The following PSMD1 variants were observed in gnomAD, a reference collection of about 807,000 sequenced individuals.
The protein encoded by PSMD1 is 26S proteasome non-ATPase regulatory subunit 1.
PSMD1 carries 18 observed loss-of-function variants against 119.0 expected under a neutral mutation model. The ratio of observed to expected loss-of-function variants is 0.15; its 90% confidence interval spans 0.10 to 0.22. The LOEUF is 0.22. Among genes scored for constraint, PSMD1 ranks in the 10% least tolerant of loss-of-function variants. The pLI is 1.00. For missense variants in PSMD1, 702 were observed against 1,158.5 expected (o/e 0.61, Z 5.72); for synonymous variants, 374 against 396.6 (o/e 0.94, Z 0.68).
At chr2:231,112,549 A>G (rs1409062753) in intron 16 of PSMD1, among the ~76,000 whole-genome samples, 2 of 152,220 alleles carry the variant, frequency 1.3e-5, no homozygotes, top group African/African-American at 2.4e-5. Flanking sequence ...TTTTTGCCCC[A>G]GTGCCCCTAC....
At chr2:231,116,389 T>TA (rs1432564459) in intron 16 of PSMD1, among the ~76,000 whole-genome samples, 8 of 152,270 alleles carry the variant, frequency 5.3e-5, no homozygotes, top group Admixed American at 1.3e-4. Context: ...ATTATTGTGT[T>TA]ATATCTTAGA....
Position 231,075,640 on chromosome 2 carries a change from C to T in PSMD1, c.942+69C>T, listed in dbSNP as rs186351549. On this transcript the variant is annotated intron_variant, in intron 8 of 24. Transcript: ENST00000308696. ...TGTCACCCAGGCTAGAACGCAGTGG[C>T]GCGGTCTCGGCTCACTACAACCTCT... 125 of 1,431,380 alleles carry T rather than the reference C, an allele frequency of 8.7e-5. No homozygotes were observed. The Admixed American group carries it at 1.4e-3, about 16-fold the overall frequency. The allele number at this position is 1,431,380 out of a possible 1,614,324, so 88.7% of individuals were successfully genotyped here. A position where few individuals can be genotyped will look rare whatever the true frequency, so the allele number is the denominator to read the frequency against.
In PSMD1 at chr2:231,138,200, C is replaced by T. The variant is rs564920079; in HGVS notation, c.1884-536C>T. On this transcript the variant is annotated intron_variant, in intron 16 of 24. Transcript: ENST00000308696. ...ATGGAGAGAATGAAAAATAATTTCT[C>T]TTCTTACCAACACAAAAATAATTGC... Among the ~76,000 whole-genome samples, 54 of 152,330 alleles carry T rather than the reference C, an allele frequency of 3.5e-4. 1 individual carries two copies. In the South Asian group the frequency reaches 4.4e-3, roughly 12 times the overall value.
chr2:231,067,440 C>T (rs376127019), intron 5 of PSMD1, among the ~76,000 whole-genome samples: 3 of 152,114 alleles, frequency 2.0e-5, no homozygotes, highest in African/African-American at 7.2e-5. Flanking sequence ...TCCTGGTTTG[C>T]GGTGTTTGCA....
Position 231,138,745 on chromosome 2 carries a change from A to T in PSMD1, c.1893A>T (p.Glu631Asp). Reference sequence around the variant, plus strand: ...TTCTGTTTCTTATCAGAACCCCTGAACAGTGCCCAAGTGTTGTCTCTTTGT... The same window carrying T: ...TTCTGTTTCTTATCAGAACCCCTGATCAGTGCCCAAGTGTTGTCTCTTTGT... ...SLGFILFRTPEQCPSVVSLLS... is the reference protein window; with the variant it reads ...SLGFILFRTPDQCPSVVSLLS... Residue 631 changes from glutamate to aspartate, a missense_variant, in exon 17 of 25, where the codon GAA becomes GAT. Around this residue, in one of 9 missense-constraint regions of PSMD1, gnomAD observed 272 missense variants for 511.6 expected, o/e 0.53. Transcript: ENST00000308696. 1 of 1,613,720 alleles carries T rather than the reference A, an allele frequency of 6.2e-7. No homozygotes were observed.
intron 7 of PSMD1, among the ~76,000 whole-genome samples, chr2:231,073,984 G>T (rs1404343007): frequency 6.6e-6 from 1 of 151,754 alleles, no homozygotes; most frequent in Non-Finnish European, 1.5e-5. Context: ...TCCTTCTTTT[G>T]TAATCTTTAT....
intron 16 of PSMD1, among the ~76,000 whole-genome samples, chr2:231,126,754 T>C (rs1695729683): frequency 6.6e-6 from 1 of 152,146 alleles, no homozygotes; most frequent in South Asian, 2.1e-4. Flanking sequence ...GTAAGATTGG[T>C]ACTCTGATTT....
intron 19 of PSMD1, 126 bp from the exon 20 acceptor site, chr2:231,161,214 G>A: frequency 2.2e-6 from 2 of 916,484 alleles, no homozygotes; most frequent in Admixed American, 3.0e-5. Context: ...CCCGAGCTTG[G>A]GTAACAGTGA....
intron 7 of PSMD1, among the ~76,000 whole-genome samples, chr2:231,074,383 G>T (rs1274079511): frequency 6.6e-6 from 1 of 152,068 alleles, no homozygotes; most frequent in Non-Finnish European, 1.5e-5. Context: ...TGGGATTACG[G>T]GTGTGAGCCA....
In PSMD1 at chr2:231,085,129, CTT is replaced by C. The variant is rs1694400146; in HGVS notation, c.1818+17_1818+18del. 9 of 1,604,244 alleles carry C rather than the reference CTT, an allele frequency of 5.6e-6. No individual in the cohort carries two copies. Among genetic ancestry groups the C allele is most frequent in the Non-Finnish European group, 7.7e-6 (9 of 1,171,224 alleles). ...TACATGTTGCTGTAAGTACTCTGAC[CTT>C]TCTTGGGAATGGGGTGGACGGAAAA... On this transcript the variant is annotated intron_variant, in intron 15 of 24. Coordinates refer to ENST00000308696, the MANE Select transcript of PSMD1 (RefSeq NM_002807.4).
At chr2:231,083,111 AAG>A in intron 13 of PSMD1, 117 bp downstream of exon 13, 1 of 805,250 alleles carries the variant, frequency 1.2e-6, no homozygotes, top group Non-Finnish European at 1.9e-6. Context: ...TCTCTAGTTG[AAG>A]AGGAAGTGAA....
intron 12 of PSMD1, among the ~76,000 whole-genome samples, chr2:231,081,669 A>C (rs569796635): frequency 6.6e-6 from 1 of 152,360 alleles, no homozygotes; most frequent in African/African-American, 2.4e-5. Flanking sequence ...GACTCTAACC[A>C]GTGGGGAGGA....
chr2:231,078,894 A>C, intron 10 of PSMD1, 147 bp downstream of exon 10: 1 of 541,764 alleles, frequency 1.8e-6, no homozygotes, highest in Non-Finnish European at 3.0e-6. Flanking sequence ...TCCTGGGTTC[A>C]GGCGATTCTC....
chr2:231,062,586 G>A lies in PSMD1; in HGVS notation c.215G>A (p.Gly72Glu). 1 of 1,613,434 alleles carries A rather than the reference G, an allele frequency of 6.2e-7. No homozygotes were observed. The highest frequency in any genetic ancestry group is 8.5e-7 in the Non-Finnish European group (1 of 1,179,802). The change falls in exon 4 of 25, where the codon GGG becomes GAG. Residue 72 changes from glycine to glutamate, a missense_variant. By Grantham distance (98) the Gly-to-Glu change is moderately conservative. Transcript: ENST00000308696. ...GCATCTAAAGTATTTTATCACCTGG[G>A]GGCTTTTGAGGAGTCTCTGAATTAT... ...LVASKVFYHL[G>E]AFEESLNYAL...
Position 231,075,448 on chromosome 2 carries a change from G to A in PSMD1, c.882-63G>A, listed in dbSNP as rs1314880983. 1.7e-5 allele frequency: 24 copies of A among 1,427,262 alleles called. No homozygotes were observed. In the East Asian group the frequency reaches 5.5e-4, roughly 33 times the overall value. The allele number at this position is 1,427,262 out of a possible 1,614,324, so 88.4% of individuals were successfully genotyped here. A position where few individuals can be genotyped will look rare whatever the true frequency, so the allele number is the denominator to read the frequency against. ...AAATATTCAATTTGGACATGGTTCA[G>A]ATCTGTGGTATAAACAAATTGTACT... On this transcript the variant is annotated intron_variant, in intron 7 of 24. Coordinates refer to ENST00000308696, the MANE Select transcript of PSMD1 (RefSeq NM_002807.4).
chr2:231,155,575 T>G lies in PSMD1; in HGVS notation c.2218+1909T>G, dbSNP rs186224192. ...TTTCTTTATTAGGTTTGCCAGTAATTTCTCTATTTATGTACTTTGTTCTTT... is the reference window on the plus strand; with the variant it reads ...TTTCTTTATTAGGTTTGCCAGTAATGTCTCTATTTATGTACTTTGTTCTTT... On this transcript the variant is annotated intron_variant, in intron 19 of 24. Coordinates refer to ENST00000308696, the MANE Select transcript of PSMD1 (RefSeq NM_002807.4). Among the ~76,000 whole-genome samples, 554 of 152,090 alleles carry G rather than the reference T, an allele frequency of 3.6e-3. 2 individuals carry two copies. Among genetic ancestry groups the G allele is most frequent in the Non-Finnish European group, 5.9e-3 (404 of 67,926 alleles).
chr2:231,166,664 TC>T (rs1295239987), intron 23 of PSMD1, among the ~76,000 whole-genome samples: 1 of 152,210 alleles, frequency 6.6e-6, no homozygotes, highest in Non-Finnish European at 1.5e-5. Flanking sequence ...GCCTTTATCT[TC>T]CAGGTTCTTG....
intron 16 of PSMD1, chr2:231,123,630 CT>C: frequency 2.5e-6 from 4 of 1,614,136 alleles, no homozygotes; most frequent in Non-Finnish European, 3.4e-6. Flanking sequence ...CCTCAACAAT[CT>C]GTTTCATTTC....
intron 16 of PSMD1, among the ~76,000 whole-genome samples, chr2:231,097,426 T>C (rs1031981934): frequency 6.6e-6 from 1 of 152,242 alleles, no homozygotes; most frequent in Non-Finnish European, 1.5e-5. Context: ...TTAGGAACAG[T>C]GTTGTTTGGG....
Sources: allele counts gnomAD v4.1 joint callset (sites outside exome capture counted in the v4.1 genomes callset), GRCh38; gene constraint gnomAD v4.1.1; regional missense constraint gnomAD v4.1.1; transcripts MANE v1.5; gene names NCBI Gene and HGNC (gene_info 2026-07-23, HGNC 2026-07-21).